Variants in SHE observed in about 807,000 individuals in gnomAD.
SHE encodes Src homology 2 domain containing E.
Under a neutral mutation model 49.8 loss-of-function variants are expected in SHE, and 11 were observed. That is an observed-to-expected ratio of 0.22 (90% CI 0.14 to 0.37). SHE has a LOEUF of 0.37. Among genes scored for constraint, SHE ranks in the 10% least tolerant of loss-of-function variants. The pLI is 1.00. For synonymous variants in SHE, 310 were observed against 278.1 expected, an observed-to-expected ratio of 1.11 and a Z score of -1.14; for missense variants, 624 against 655.5, an observed-to-expected ratio of 0.95 and a Z score of 0.52.
chr1:154,477,557 T>C (rs1691907220), downstream of SHE, among the ~76,000 whole-genome samples: 1 of 152,140 alleles, frequency 6.6e-6, no homozygotes, highest in South Asian at 2.1e-4. Flanking sequence ...TACATTCATA[T>C]TGTTGTGCAC....
chr1:154,469,926 CCAAA>C (rs1691703041), exon 2 of SHE: 1 of 171,048 alleles, frequency 5.8e-6, no homozygotes, highest in Non-Finnish European at 1.3e-5. Context: ...TCCACATCTT[CCAAA>C]CAGAGGAAAA....
In SHE at chr1:154,484,275, C is replaced by T. The variant is rs1692104248; in HGVS notation, c.1362G>A (p.Leu454=). The change falls in exon 6 of 6, where the codon CTG becomes CTA. Residue 454 remains leucine (L), a synonymous_variant. Transcript: ENST00000304760. The part of the protein sequence containing the change: ...VAQTKDNKYT[L]NQTSAVFDSI... ...TGTCAAACACAGCGCTTGTCTGATT[C>T]AGTGTGTATTTGTTGTCTTTGGTCT... 1.2e-6 allele frequency: 2 copies of T among 1,614,160 alleles called. No homozygotes were observed. Among genetic ancestry groups the T allele is most frequent in the Non-Finnish European group, 1.7e-6 (2 of 1,180,016 alleles).
In SHE at chr1:154,502,188, G is replaced by A; in HGVS notation, c.-162C>T. On this transcript the variant is annotated 5_prime_UTR_variant, in exon 1 of 6. Transcript: ENST00000304760. Reference sequence around the variant, plus strand: ...CTGCTCCGGACACGGCAGGCGACAGGCACGACGCGCGGGGGGCCCCGCCCG... The same window carrying A: ...CTGCTCCGGACACGGCAGGCGACAGACACGACGCGCGGGGGGCCCCGCCCG... 2.3e-6 allele frequency: 1 copy of A among 433,750 alleles called. No homozygotes were observed. The highest frequency in any genetic ancestry group is 3.4e-6 in the Non-Finnish European group (1 of 290,172). The allele number at this position is 433,750 out of a possible 1,614,324, so 26.9% of individuals were successfully genotyped here. A position where few individuals can be genotyped will look rare whatever the true frequency, so the allele number is the denominator to read the frequency against.
chr1:154,480,043 G>GGA lies in SHE; in HGVS notation c.*4105_*4106insTC. 1.0e-6 allele frequency: 1 copy of GGA among 985,484 alleles called. No homozygotes were observed. Among genetic ancestry groups the GGA allele is most frequent in the African/African-American group, 1.7e-5 (1 of 57,342 alleles). The allele number at this position is 985,484 out of a possible 1,614,324, so 61.0% of individuals were successfully genotyped here. Reference sequence around the variant, plus strand: ...GTAACGCACCATCTCTCTTCACACAGGGTCAGCGGTGGAGGGTAAGTTGAA... The same window carrying GGA: ...GTAACGCACCATCTCTCTTCACACAGGAGGTCAGCGGTGGAGGGTAAGTTGAA... On this transcript the variant is annotated 3_prime_UTR_variant, in exon 6 of 6. Coordinates refer to ENST00000304760, the MANE Select transcript of SHE (RefSeq NM_001010846.3).
downstream of SHE, among the ~76,000 whole-genome samples, chr1:154,474,554 C>T (rs960186122): frequency 1.3e-5 from 2 of 152,188 alleles, no homozygotes; most frequent in African/African-American, 4.8e-5. Context: ...GTTGCCCAGG[C>T]TGGAGTGCAG....
chr1:154,498,199 TCTC>T (rs10558851), intron 2 of SHE, among the ~76,000 whole-genome samples: 21,034 of 151,044 alleles, frequency 0.14, 2,171 homozygotes, highest in East Asian at 0.39. Flanking sequence ...TTCAAGCAAT[TCTC>T]CTACCTCAGC....
intron 3 of SHE, among the ~76,000 whole-genome samples, chr1:154,487,233 C>T (rs562545304): frequency 7.5e-5 from 11 of 146,854 alleles, no homozygotes; most frequent in Non-Finnish European, 1.6e-4. Context: ...GATTGCGCCA[C>T]GGCACTCCAC....
chr1:154,486,746 G>GA, intron 3 of SHE, 63 bp from the exon 4 acceptor site: 11 of 1,571,454 alleles, frequency 7.0e-6, no homozygotes, highest in South Asian at 1.1e-5. Flanking sequence ...ACTTCAAAGG[G>GA]AAAAAACCTC....
chr1:154,490,801 T>A (rs1692338307), intron 2 of SHE, among the ~76,000 whole-genome samples: 2 of 152,010 alleles, frequency 1.3e-5, no homozygotes, highest in South Asian at 4.1e-4. Flanking sequence ...AAGGTTTTTT[T>A]TTTTTTCAGT....
At chr1:154,488,912 C>T in intron 3 of SHE, 139 bp downstream of exon 3, 3 of 1,200,696 alleles carry the variant, frequency 2.5e-6, no homozygotes, top group Non-Finnish European at 3.4e-6. Flanking sequence ...ATGGTCATTT[C>T]AGGCATTTCC....
Position 154,501,895 on chromosome 1 carries a change from C to T in SHE, c.132G>A (p.Glu44=), listed in dbSNP as rs778771528. The change falls in exon 1 of 6, where the codon GAG becomes GAA. Residue 44 remains glutamate (E), a synonymous_variant. Coordinates refer to ENST00000304760, the MANE Select transcript of SHE (RefSeq NM_001010846.3). Reference sequence around the variant, plus strand: ...ACACGGTCTTCAGGTTCAGGGGGAACTCCTTGAACCACTTGGCCGCCATGA... The same window carrying T: ...ACACGGTCTTCAGGTTCAGGGGGAATTCCTTGAACCACTTGGCCGCCATGA... ...GPLMAAKWFK[E]FPLNLKTVSE... The T allele has an allele frequency of 4.0e-6, 6 of 1,516,868 alleles. No individual in the cohort carries two copies. The East Asian group carries it at 1.0e-4, about 26-fold the overall frequency. The allele number at this position is 1,516,868 out of a possible 1,614,324, so 94.0% of individuals were successfully genotyped here.
At chr1:154,497,514 A>C (rs535046982) in intron 2 of SHE, among the ~76,000 whole-genome samples, 12 of 152,356 alleles carry the variant, frequency 7.9e-5, no homozygotes, top group African/African-American at 2.6e-4. Context: ...CATTTACATC[A>C]ACTTAAGAGA....
Position 154,480,883 on chromosome 1 carries a change from A to G in SHE, c.*3266T>C. 1 of 985,432 alleles carries G rather than the reference A, an allele frequency of 1.0e-6. No homozygotes were observed. The highest frequency in any genetic ancestry group is 1.2e-6 in the Non-Finnish European group (1 of 829,944). 61.0% of individuals were successfully genotyped at this position (985,432 alleles called of 1,614,324 possible). On this transcript the variant is annotated 3_prime_UTR_variant, in exon 6 of 6. Transcript: ENST00000304760. ...CTTCTTATAGGCCTGAAACTAACCA[A>G]CTGAACTTGTCCAGTCATCGCAAGC...
chr1:154,491,775 G>A (rs530724591), intron 2 of SHE, among the ~76,000 whole-genome samples: 2 of 151,674 alleles, frequency 1.3e-5, no homozygotes, highest in African/African-American at 4.8e-5. Context: ...TACGTCAAGG[G>A]GTTAACAAAT....
chr1:154,485,663 G>A (rs951878000), intron 5 of SHE: 5 of 315,858 alleles, frequency 1.6e-5, no homozygotes, highest in African/African-American at 6.1e-5. Flanking sequence ...TACTGAGAGG[G>A]CCTACTCCAG....
In SHE at chr1:154,483,309, T is replaced by C; in HGVS notation, c.*840A>G. ...TAGGCCACACTCTGAAGTTGCGGAT[T>C]TCCATGAACTCCAGAGCTGAATTAG... On this transcript the variant is annotated 3_prime_UTR_variant, in exon 6 of 6. Transcript: ENST00000304760. 1.0e-6 allele frequency: 1 copy of C among 985,408 alleles called. No homozygotes were observed. The highest frequency in any genetic ancestry group is 1.2e-6 in the Non-Finnish European group (1 of 829,926). The allele number at this position is 985,408 out of a possible 1,614,324, so 61.0% of individuals were successfully genotyped here.
Position 154,486,551 on chromosome 1 carries a change from G to A in SHE, c.1157C>T (p.Pro386Leu), listed in dbSNP as rs200112849. ...SDHSEGEKVD[P>L]GLPLEKQPWY... ...CGGCTGCTTCTCCAGGGGCAGGCCC[G>A]GGTCCACTTTCTCTCCCTCACTGTG... The change falls in exon 4 of 6, where the codon CCG becomes CTG. Residue 386 changes from proline (P) to leucine (L), a missense_variant. By Grantham distance (98) the Pro-to-Leu change is moderately conservative. Transcript: ENST00000304760. 15 of 1,613,962 alleles carry A rather than the reference G, an allele frequency of 9.3e-6. No individual in the cohort carries two copies. Among genetic ancestry groups the A allele is most frequent in the Non-Finnish European group, 1.3e-5 (15 of 1,180,000 alleles).
At chr1:154,488,293 C>G (rs1022972732) in intron 3 of SHE, among the ~76,000 whole-genome samples, 18 of 152,036 alleles carry the variant, frequency 1.2e-4, no homozygotes, top group Non-Finnish European at 2.2e-4. Flanking sequence ...GAGTCTTGCT[C>G]TGTCACCCAG....
chr1:154,491,898 T>C (rs976393397), intron 2 of SHE, among the ~76,000 whole-genome samples: 3 of 151,936 alleles, frequency 2.0e-5, no homozygotes, highest in Admixed American at 1.3e-4. Flanking sequence ...TATGGGTGGC[T>C]GGAAGGAGGT....
Sources: gnomAD v4.1 joint callset for allele counts (sites outside exome capture counted in the v4.1 genomes callset) on GRCh38, gnomAD v4.1.1 for gene constraint, MANE v1.5 for transcripts, NCBI Gene and HGNC (gene_info 2026-07-23, HGNC 2026-07-21) for gene names.